Variants in FARP1 observed in about 807,000 individuals in gnomAD.
The protein encoded by FARP1 is FERM, ARH/RhoGEF and pleckstrin domain protein 1.
FARP1 carries 52 observed loss-of-function variants against 128.8 expected under a neutral mutation model. The ratio of observed to expected loss-of-function variants is 0.40; its 90% CI spans 0.32 to 0.51. The LOEUF is 0.51. Among genes scored for constraint, FARP1 ranks in the 20% least tolerant of loss-of-function variants. The pLI is 0.45. For missense variants in FARP1, 1,333 were observed against 1,367.9 expected (o/e 0.97, Z 0.40); for synonymous variants, 580 against 551.8 (o/e 1.05, Z -0.72).
intron 1 of FARP1, among the ~76,000 whole-genome samples, chr13:98,196,902 G>A (rs1044903269): frequency 6.6e-6 from 1 of 152,008 alleles, no homozygotes; most frequent in Non-Finnish European, 1.5e-5. Flanking sequence ...TTTCACTATT[G>A]TAATTAATCA....
intron 2 of FARP1, among the ~76,000 whole-genome samples, chr13:98,230,914 T>G (rs1882072511): frequency 6.6e-6 from 1 of 152,290 alleles, no homozygotes; most frequent in East Asian, 1.9e-4. Context: ...GGCCTCACAC[T>G]CATGGCAGAA....
At chr13:98,341,718 A>C (rs568754620) in intron 2 of FARP1, among the ~76,000 whole-genome samples, 1 of 152,328 alleles carries the variant, frequency 6.6e-6, no homozygotes, top group Admixed American at 6.5e-5. Flanking sequence ...CCAAGATTTG[A>C]TCTATATGGT....
chr13:98,163,459 A>G (rs1362081670), intron 1 of FARP1, among the ~76,000 whole-genome samples: 1 of 152,178 alleles, frequency 6.6e-6, no homozygotes, highest in African/African-American at 2.4e-5. Context: ...TAAAAGTTAA[A>G]AATTAAAAAC....
intron 2 of FARP1, among the ~76,000 whole-genome samples, chr13:98,269,853 C>T (rs1190067982): frequency 2.0e-5 from 3 of 152,186 alleles, no homozygotes; most frequent in East Asian, 1.9e-4. Context: ...CAGTGGCTCA[C>T]GCCTGTAATT....
At chr13:98,239,418 G>T (rs554762195) in intron 2 of FARP1, among the ~76,000 whole-genome samples, 3 of 152,142 alleles carry the variant, frequency 2.0e-5, no homozygotes, top group Non-Finnish European at 4.4e-5. Flanking sequence ...TTACTGTTTT[G>T]CTTGATCAGC....
intron 1 of FARP1, among the ~76,000 whole-genome samples, chr13:98,143,951 C>T (rs948050707): frequency 2.6e-5 from 4 of 151,902 alleles, no homozygotes; most frequent in Non-Finnish European, 4.4e-5. Flanking sequence ...GCCGGGTGCC[C>T]GCCGCTCGCC....
At chr13:98,303,075 T>C (rs1030664631) in intron 2 of FARP1, among the ~76,000 whole-genome samples, 1 of 152,202 alleles carries the variant, frequency 6.6e-6, no homozygotes, top group Non-Finnish European at 1.5e-5. Context: ...CCTTGATTGG[T>C]TATGCTCAAC....
intron 3 of FARP1, 146 bp from the exon 4 acceptor site, chr13:98,365,249 G>A (rs1889035945): frequency 3.3e-6 from 2 of 598,024 alleles, no homozygotes; most frequent in Admixed American, 2.7e-5. Flanking sequence ...GACAACGTAA[G>A]ATACGGCATT....
In FARP1 at chr13:98,228,561, T is replaced by A. The variant is rs1881926140; in HGVS notation, c.171+15148T>A. On this transcript the variant is annotated intron_variant, in intron 2 of 26. Transcript: ENST00000319562. ...TCATTTGGCGGTTATCTATTGTTTG[T>A]ATAGTATATCGTTAGTTACCATTTT... Among the ~76,000 whole-genome samples, 3 of 152,244 alleles carry A rather than the reference T, an allele frequency of 2.0e-5. No individual in the cohort carries two copies. In the South Asian group the frequency reaches 6.2e-4, roughly 31 times the overall value.
intron 16 of FARP1, among the ~76,000 whole-genome samples, chr13:98,415,640 A>G (rs1047339388): frequency 1.7e-4 from 26 of 152,252 alleles, no homozygotes; most frequent in African/African-American, 6.0e-4. Context: ...CACATGTACC[A>G]TCATTGCCTA....
At chr13:98,166,828 ATCG>A (rs1877300838) in intron 1 of FARP1, among the ~76,000 whole-genome samples, 1 of 150,802 alleles carries the variant, frequency 6.6e-6, no homozygotes, top group Admixed American at 6.6e-5. Flanking sequence ...GGCTCAAGGG[ATCG>A]TCCTACCTCA....
At chr13:98,189,596 C>T (rs1249909430) in intron 1 of FARP1, among the ~76,000 whole-genome samples, 1 of 152,056 alleles carries the variant, frequency 6.6e-6, no homozygotes, top group African/African-American at 2.4e-5. Context: ...ATAGAAATTC[C>T]CTAACCAGCC....
intron 2 of FARP1, among the ~76,000 whole-genome samples, chr13:98,279,096 A>G (rs1322371460): frequency 2.0e-5 from 3 of 151,822 alleles, no homozygotes; most frequent in African/African-American, 7.3e-5. Context: ...CGGCCTCCCA[A>G]AGTGCTGGGA....
At chr13:98,245,510 A>G (rs1273748516) in intron 2 of FARP1, among the ~76,000 whole-genome samples, 4 of 152,216 alleles carry the variant, frequency 2.6e-5, no homozygotes, top group African/African-American at 9.7e-5. Flanking sequence ...CTACTTGTGT[A>G]AACGCAAAGC....
chr13:98,320,245 G>C (rs1179156889), intron 2 of FARP1, among the ~76,000 whole-genome samples: 1 of 152,186 alleles, frequency 6.6e-6, no homozygotes. Flanking sequence ...GTAGTTCCAG[G>C]TTCCTGAAAA....
chr13:98,179,820 G>T (rs531774042), intron 1 of FARP1, among the ~76,000 whole-genome samples: 1 of 152,256 alleles, frequency 6.6e-6, no homozygotes, highest in South Asian at 2.1e-4. Flanking sequence ...TCAAGCCACT[G>T]CACTCCAGCC....
At chr13:98,251,413 A>C (rs1176163917) in intron 2 of FARP1, among the ~76,000 whole-genome samples, 4 of 152,092 alleles carry the variant, frequency 2.6e-5, no homozygotes, top group Non-Finnish European at 5.9e-5. Context: ...CGGGCATGGT[A>C]TTCTTACGCC....
At chr13:98,382,275 T>C (rs1427485583) in intron 6 of FARP1, 1 of 152,066 alleles carries the variant, frequency 6.6e-6, no homozygotes, top group Admixed American at 6.5e-5. Context: ...GTTTTCAAAT[T>C]CCAGAAATTT....
chr13:98,305,352 A>G (rs1347816004), intron 2 of FARP1, among the ~76,000 whole-genome samples: 1 of 149,566 alleles, frequency 6.7e-6, no homozygotes, highest in African/African-American at 2.5e-5. Context: ...TTTGAGACGG[A>G]GTTTCGCTCT....
Sources: gnomAD v4.1 joint callset for allele counts (sites outside exome capture counted in the v4.1 genomes callset) on GRCh38, gnomAD v4.1.1 for gene constraint, MANE v1.5 for transcripts, NCBI Gene and HGNC (gene_info 2026-07-23, HGNC 2026-07-21) for gene names.